DCAF17: variants seen among roughly 807,000 people sequenced by gnomAD.
DCAF17 encodes DDB1 and CUL4 associated factor 17.
A neutral mutation model predicts 66.0 loss-of-function variants in DCAF17; 48 were observed. The ratio of observed to expected loss-of-function variants is 0.73; its 90% CI spans 0.58 to 0.92. The LOEUF (loss-of-function observed/expected upper bound fraction) is 0.92. Among genes scored for constraint, DCAF17 ranks in the 40% least tolerant of loss-of-function variants. The probability of loss-of-function intolerance (pLI) is 0.00; values close to 1 mark genes in which losing one functional copy is unlikely to be tolerated. For synonymous variants in DCAF17, 206 were observed against 214.6 expected, an observed-to-expected ratio of 0.96 and a Z score of 0.35; for missense variants, 562 against 622.8, an observed-to-expected ratio of 0.90 and a Z score of 1.04.
At chr2:171,449,821 GT>G (rs773914315) in intron 4 of DCAF17, 57 bp from the exon 5 acceptor site, 4 of 1,235,588 alleles carry the variant, frequency 3.2e-6, no homozygotes, top group Non-Finnish European at 4.6e-6. Flanking sequence ...TAATATTTTG[GT>G]TTTAAGTATA....
At chr2:171,480,296 G>T (rs990188751) in intron 13 of DCAF17, 103 bp downstream of exon 13, 1 of 1,411,500 alleles carries the variant, frequency 7.1e-7, no homozygotes, top group Non-Finnish European at 9.7e-7. Context: ...ACTCACCTAT[G>T]CCAATGACCA....
chr2:171,478,628 T>G (rs1696608837), intron 12 of DCAF17, among the ~76,000 whole-genome samples: 2 of 152,356 alleles, frequency 1.3e-5, no homozygotes, highest in South Asian at 4.1e-4. Context: ...ATAGTGATCA[T>G]GCTTTAAACA....
intron 5 of DCAF17, among the ~76,000 whole-genome samples, chr2:171,452,003 T>TG (rs1694982500): frequency 1.3e-5 from 2 of 152,224 alleles, no homozygotes; most frequent in Non-Finnish European, 2.9e-5. Flanking sequence ...AGCTCTTAGT[T>TG]GGGGTATATA....
intron 2 of DCAF17, among the ~76,000 whole-genome samples, chr2:171,436,767 G>C (rs1693994299): frequency 6.7e-6 from 1 of 148,502 alleles, no homozygotes; most frequent in South Asian, 2.1e-4. Context: ...TTGAAACAGA[G>C]AGGTTAATTT....
intron 2 of DCAF17, among the ~76,000 whole-genome samples, chr2:171,441,643 C>T (rs1431856765): frequency 2.0e-5 from 3 of 152,184 alleles, no homozygotes; most frequent in Non-Finnish European, 4.4e-5. Flanking sequence ...AACAGGGAGC[C>T]TTGTACTCTT....
intron 8 of DCAF17, among the ~76,000 whole-genome samples, chr2:171,463,384 A>T (rs1170965872): frequency 6.6e-6 from 1 of 151,958 alleles, no homozygotes; most frequent in Non-Finnish European, 1.5e-5. Context: ...ATTCATACTC[A>T]TGTATTAAAG....
chr2:171,470,739 T>C (rs1696197715), intron 9 of DCAF17, among the ~76,000 whole-genome samples: 1 of 152,180 alleles, frequency 6.6e-6, no homozygotes, highest in Non-Finnish European at 1.5e-5. Flanking sequence ...ACAGTTCACA[T>C]TCTGGACATT....
At chr2:171,446,911 CTA>C (rs1286791762) in intron 3 of DCAF17, among the ~76,000 whole-genome samples, 2 of 152,090 alleles carry the variant, frequency 1.3e-5, no homozygotes, top group Non-Finnish European at 2.9e-5. Context: ...TTTCAAAAAA[CTA>C]TTTGAGATCA....
intron 8 of DCAF17, among the ~76,000 whole-genome samples, chr2:171,463,047 A>G (rs943776358): frequency 6.6e-6 from 1 of 152,098 alleles, no homozygotes; most frequent in African/African-American, 2.4e-5. Flanking sequence ...CCTAGCCAAC[A>G]TGGCGAAACC....
intron 2 of DCAF17, among the ~76,000 whole-genome samples, chr2:171,436,317 C>T (rs539187113): frequency 9.2e-5 from 14 of 152,306 alleles, no homozygotes; most frequent in African/African-American, 3.4e-4. Context: ...TTTATTTTCA[C>T]TTCTCCTAGA....
At chr2:171,466,346 C>T (rs1695897681) in intron 8 of DCAF17, among the ~76,000 whole-genome samples, 1 of 152,136 alleles carries the variant, frequency 6.6e-6, no homozygotes, top group Non-Finnish European at 1.5e-5. Context: ...TTTGACCTTT[C>T]ACAGATTTTA....
rs543136730 is a variant in DCAF17 at position 171,484,206 on chromosome 2, A to T, written c.*3092A>T. The stretch of plus-strand genomic sequence containing the variant: ...ATTTTTATATTTTCTTCTCCTTCTT[A>T]CCATGTTTACTTATATCATCCATCT... On this transcript the variant is annotated 3_prime_UTR_variant, in exon 14 of 14. Coordinates refer to ENST00000375255, the MANE Select transcript of DCAF17 (RefSeq NM_025000.4). The T allele has an allele frequency of 2.2e-6, 1 of 449,808 alleles. No homozygotes were observed. Among genetic ancestry groups the T allele is most frequent in the Admixed American group, 2.4e-5 (1 of 41,424 alleles). The allele number at this position is 449,808 out of a possible 1,614,324, so 27.9% of individuals were successfully genotyped here.
At chr2:171,442,016 TA>T (rs141894211) in intron 2 of DCAF17, among the ~76,000 whole-genome samples, 1,531 of 150,186 alleles carry the variant, frequency 0.01, 28 homozygotes, top group African/African-American at 0.035. Context: ...TGCTTTAACT[TA>T]AAAAAAAAAT....
chr2:171,454,409 C>T (rs1347114707), intron 6 of DCAF17, among the ~76,000 whole-genome samples: 4 of 151,506 alleles, frequency 2.6e-5, no homozygotes, highest in South Asian at 2.1e-4. Flanking sequence ...CTCAGCCTCC[C>T]GAGTAGCTGG....
chr2:171,463,810 A>G (rs1438031267), intron 8 of DCAF17, among the ~76,000 whole-genome samples: 1 of 152,224 alleles, frequency 6.6e-6, no homozygotes, highest in Non-Finnish European at 1.5e-5. Context: ...GCATTTTTCT[A>G]GAAATAAAAG....
intron 8 of DCAF17, among the ~76,000 whole-genome samples, chr2:171,465,902 C>T (rs1401179339): frequency 2.6e-5 from 4 of 152,006 alleles, no homozygotes; most frequent in African/African-American, 9.7e-5. Flanking sequence ...TTTCTTTTTG[C>T]AAAAATAAGC....
intron 10 of DCAF17, among the ~76,000 whole-genome samples, chr2:171,474,889 A>G (rs1264968338): frequency 1.3e-5 from 2 of 152,212 alleles, no homozygotes; most frequent in Non-Finnish European, 2.9e-5. Flanking sequence ...AGCCAAGGCT[A>G]CAGTAATAGC....
At chr2:171,445,316 G>T (rs1332999340) in intron 3 of DCAF17, among the ~76,000 whole-genome samples, 6 of 152,050 alleles carry the variant, frequency 3.9e-5, no homozygotes. Flanking sequence ...GTAGACACGG[G>T]GTTTCACCAT....
intron 3 of DCAF17, among the ~76,000 whole-genome samples, chr2:171,448,180 G>T (rs915978942): frequency 1.1e-4 from 17 of 152,202 alleles, no homozygotes; most frequent in African/African-American, 4.1e-4. Flanking sequence ...CACCCAGGCT[G>T]GAGTGCAGTG....
Sources: gnomAD v4.1 joint callset for allele counts (sites outside exome capture counted in the v4.1 genomes callset) on GRCh38, gnomAD v4.1.1 for gene constraint, MANE v1.5 for transcripts, NCBI Gene and HGNC (gene_info 2026-07-23, HGNC 2026-07-21) for gene names.